The following VPS36 variants were observed in gnomAD, a reference collection of about 807,000 sequenced individuals.
VPS36 encodes the protein vacuolar protein-sorting-associated protein 36.
Under a neutral mutation model 63.5 loss-of-function variants are expected in VPS36, and 31 were observed. The ratio of observed to expected loss-of-function variants is 0.49; its 90% CI spans 0.37 to 0.66. The LOEUF (loss-of-function observed/expected upper bound fraction) is 0.66, where lower values mean the gene tolerates loss of function less well. VPS36 is among the 30% of genes least tolerant of loss of function. The probability of loss-of-function intolerance (pLI) is 0.00; values close to 1 mark genes in which losing one functional copy is unlikely to be tolerated. For missense variants in VPS36, 338 were observed against 463.7 expected, an observed-to-expected ratio of 0.73 and a Z score of 2.49; for synonymous variants, 138 against 157.2, an observed-to-expected ratio of 0.88 and a Z score of 0.91.
rs1219800215 is a variant in VPS36, at chr13:52,427,061, C to T, written c.567G>A (p.Lys189=). 2 of 1,610,894 alleles carry T rather than the reference C, an allele frequency of 1.2e-6. No homozygotes were observed. Among genetic ancestry groups the T allele is most frequent in the Admixed American group, 3.4e-5 (2 of 59,524 alleles). Reference sequence around the variant, plus strand: ...TTGATTTTGATAATTCCACCATTTCCTTAGCCTGTCAAATAAAAAGTAAAG... The same window carrying T: ...TTGATTTTGATAATTCCACCATTTCTTTAGCCTGTCAAATAAAAAGTAAAG... ...EDLSKLMIKA[K]EMVELSKSIA... Residue 189 remains lysine (K), a synonymous_variant, in exon 8 of 14, where the codon AAG becomes AAA. Transcript: ENST00000378060.
At chr13:52,418,437 C>T (rs1406455437) in intron 10 of VPS36, among the ~76,000 whole-genome samples, 1 of 151,288 alleles carries the variant, frequency 6.6e-6, no homozygotes, top group Non-Finnish European at 1.5e-5. Flanking sequence ...TAGCCGGGCG[C>T]GGTGGCGGGT....
intron 1 of VPS36, among the ~76,000 whole-genome samples, chr13:52,443,338 A>G (rs1045730868): frequency 6.6e-6 from 1 of 152,178 alleles, no homozygotes; most frequent in Non-Finnish European, 1.5e-5. Context: ...CTAACCCTCA[A>G]TGCGATGGTA....
chr13:52,419,238 G>A (rs1015558139), intron 10 of VPS36, among the ~76,000 whole-genome samples: 1 of 152,212 alleles, frequency 6.6e-6, no homozygotes. Context: ...GGAGGCTAAG[G>A]ACATCTGGAT....
In VPS36 at chr13:52,439,119, T is replaced by A. The variant is rs768575745; in HGVS notation, c.215A>T (p.Gln72Leu). The A allele has an allele frequency of 6.2e-7, 1 of 1,613,918 alleles. No individual in the cohort carries two copies. The highest frequency in any genetic ancestry group is 1.7e-5 in the Admixed American group (1 of 60,022). ...TTACCTCTTCCCAATTCCAGCCGCC[T>A]GTTCTTCAATGAACACAATTTGGGA... Reference protein sequence around the residue: ...LLSQIVFIEEQAAGIGKSAKI... With the variant: ...LLSQIVFIEELAAGIGKSAKI... The change falls in exon 3 of 14, where the codon CAG becomes CTG. Residue 72 changes from glutamine to leucine, a missense_variant. Coordinates refer to ENST00000378060, the MANE Select transcript of VPS36 (RefSeq NM_016075.4).
intron 1 of VPS36, among the ~76,000 whole-genome samples, chr13:52,443,428 A>G (rs1958301164): frequency 6.6e-6 from 1 of 152,158 alleles, no homozygotes; most frequent in African/African-American, 2.4e-5. Flanking sequence ...TAGTATCCCT[A>G]TAAGAAGAGG....
rs1000645825 is a variant in VPS36, at chr13:52,442,594, A to G, written c.97-149T>C. ...GCTTATCACAAATTAAAGAGAACCAATGCTACATACTTCATAAGCTATTTG... is the reference window on the plus strand; with the variant it reads ...GCTTATCACAAATTAAAGAGAACCAGTGCTACATACTTCATAAGCTATTTG... On this transcript the variant is annotated intron_variant, in intron 1 of 13. Coordinates refer to ENST00000378060, the MANE Select transcript of VPS36 (RefSeq NM_016075.4). 1.5e-5 allele frequency: 10 copies of G among 677,928 alleles called. No homozygotes were observed. In the Admixed American group the frequency reaches 2.4e-4, roughly 16 times the overall value. The allele number at this position is 677,928 out of a possible 1,614,324, so 42.0% of individuals were successfully genotyped here.
At chr13:52,441,612 C>T (rs571336984) in intron 2 of VPS36, among the ~76,000 whole-genome samples, 2 of 152,250 alleles carry the variant, frequency 1.3e-5, no homozygotes, top group South Asian at 2.1e-4. Context: ...ATTAGCCGGG[C>T]GTGGTGGCAC....
chr13:52,418,800 C>G (rs1172518482), intron 10 of VPS36, among the ~76,000 whole-genome samples: 4 of 152,024 alleles, frequency 2.6e-5, no homozygotes, highest in African/African-American at 9.7e-5. Context: ...ATTTCAAGTC[C>G]CCAGTCAGCA....
At chr13:52,443,566 T>G (rs926169537) in intron 1 of VPS36, among the ~76,000 whole-genome samples, 4 of 152,176 alleles carry the variant, frequency 2.6e-5, no homozygotes, top group Non-Finnish European at 2.9e-5. Flanking sequence ...GCCAGCACCT[T>G]GATCTTAGAC....
rs1184905783 is a variant in VPS36 at position 52,423,763 on chromosome 13, AACTT to A, written c.775-128_775-125del. The A allele has an allele frequency of 6.3e-6, 5 of 795,468 alleles. No homozygotes were observed. The Admixed American group carries it at 1.4e-4, about 22-fold the overall frequency. 49.3% of individuals were successfully genotyped at this position (795,468 alleles called of 1,614,324 possible). On this transcript the variant is annotated intron_variant, in intron 9 of 13. Transcript: ENST00000378060. ...AAAAATTTTTAAGAAGCTTATAAAA[AACTT>A]TATTTATACAAAGGAGAACCTATTC...
Position 52,415,749 on chromosome 13 carries a change from G to A in VPS36, c.*81C>T, listed in dbSNP as rs1957986738. 1.6e-6 allele frequency: 2 copies of A among 1,249,468 alleles called. No individual in the cohort carries two copies. The highest frequency in any genetic ancestry group is 2.0e-5 in the Admixed American group (1 of 50,176). 77.4% of individuals were successfully genotyped at this position (1,249,468 alleles called of 1,614,324 possible). On this transcript the variant is annotated 3_prime_UTR_variant, in exon 14 of 14. Coordinates refer to ENST00000378060, the MANE Select transcript of VPS36 (RefSeq NM_016075.4). Reference sequence around the variant, plus strand: ...GTTCCAATAAATTCTCAATTGATCGGGGTTTATCTCTTAGCTCAATGTCAT... The same window carrying A: ...GTTCCAATAAATTCTCAATTGATCGAGGTTTATCTCTTAGCTCAATGTCAT...
chr13:52,444,329 G>A (rs981977693), intron 1 of VPS36, among the ~76,000 whole-genome samples: 1 of 151,802 alleles, frequency 6.6e-6, no homozygotes, highest in Non-Finnish European at 1.5e-5. Flanking sequence ...GTGTGGTGGC[G>A]GGTGCCTGTA....
intron 8 of VPS36, 44 bp downstream of exon 8, chr13:52,426,943 TTG>T (rs1491049422): frequency 2.2e-6 from 3 of 1,335,938 alleles, no homozygotes; most frequent in East Asian, 2.3e-5. Flanking sequence ...CCTTACTGCA[TTG>T]TGTTATCTAG....
chr13:52,439,048 T>A (rs1248670435), intron 3 of VPS36, 50 bp downstream of exon 3: 1 of 1,559,582 alleles, frequency 6.4e-7, no homozygotes, highest in African/African-American at 1.4e-5. Context: ...GCCAATAGCA[T>A]AACAGGAAAT....
chr13:52,440,473 A>G (rs1274393403), intron 2 of VPS36, among the ~76,000 whole-genome samples: 1 of 151,742 alleles, frequency 6.6e-6, no homozygotes, highest in Non-Finnish European at 1.5e-5. Flanking sequence ...TTGTATTTTT[A>G]GTAGAGACAG....
intron 6 of VPS36, chr13:52,429,283 T>C: frequency 1.0e-6 from 1 of 985,440 alleles, no homozygotes; most frequent in Non-Finnish European, 1.2e-6. Flanking sequence ...AGTATATTCT[T>C]GATTTTCCAC....
At chr13:52,426,226 TC>T (rs1958099632) in intron 8 of VPS36, among the ~76,000 whole-genome samples, 160 bp from the exon 9 acceptor site, 1 of 152,246 alleles carries the variant, frequency 6.6e-6, no homozygotes, top group South Asian at 2.1e-4. Flanking sequence ...TTCCAGGAGT[TC>T]CCTGCATACA....
chr13:52,417,916 C>G (rs997154423), intron 11 of VPS36, 76 bp downstream of exon 11: 58 of 1,301,466 alleles, frequency 4.5e-5, no homozygotes, highest in Non-Finnish European at 5.6e-5. Flanking sequence ...GGATGGCAAA[C>G]TTGGCTGGGC....
At position 52,417,063 on chromosome 13, in the gene VPS36, C is replaced by T; in HGVS notation, c.984G>A (p.Leu328=). ...HKEEEMVASA[L]ETVSEKGSLT... is the part of the protein sequence containing the mutation. Reference sequence around the variant, plus strand: ...GAAAATCGGCTTCACATACTGTCTCCAGGGCCGAGGCCACCATTTCCTCTT... The same window carrying T: ...GAAAATCGGCTTCACATACTGTCTCTAGGGCCGAGGCCACCATTTCCTCTT... The change falls in exon 12 of 14, where the codon CTG becomes CTA. Residue 328 remains leucine, a synonymous_variant. Transcript: ENST00000378060. 1 of 1,613,900 alleles carries T rather than the reference C, an allele frequency of 6.2e-7. No individual in the cohort carries two copies. Among genetic ancestry groups the T allele is most frequent in the African/African-American group, 1.3e-5 (1 of 75,024 alleles).
Sources: allele counts gnomAD v4.1 joint callset (sites outside exome capture counted in the v4.1 genomes callset), GRCh38; gene constraint gnomAD v4.1.1; transcripts MANE v1.5; gene names NCBI Gene and HGNC (gene_info 2026-07-23, HGNC 2026-07-21).